Variants in BBIP1 observed in about 807,000 individuals in gnomAD.
BBIP1 encodes the protein BBSome-interacting protein 1.
A neutral mutation model predicts 8.9 loss-of-function variants in BBIP1; 6 were observed. The observed-to-expected ratio is 0.67, with a 90% confidence interval of 0.37 to 1.33. The LOEUF is 1.33. BBIP1 is among the 40% of genes most tolerant of loss of function. The probability of loss-of-function intolerance (pLI) is 0.02; values close to 1 mark genes in which losing one functional copy is unlikely to be tolerated. For synonymous variants in BBIP1, 32 were observed against 33.4 expected (o/e 0.96, Z 0.14); for missense variants, 111 against 109.2 (o/e 1.02, Z -0.07).
At chr10:110,913,851 T>G (rs1195905526) in intron 2 of BBIP1, among the ~76,000 whole-genome samples, 1 of 152,246 alleles carries the variant, frequency 6.6e-6, no homozygotes, top group African/African-American at 2.4e-5. Context: ...CTTGAAGCTA[T>G]CCACTTAAAT....
intron 2 of BBIP1, chr10:110,910,927 TA>T (rs1846261448): frequency 6.6e-6 from 1 of 152,144 alleles, no homozygotes; most frequent in Non-Finnish European, 1.5e-5. Flanking sequence ...GGCAAAATGG[TA>T]AGTGGTGGGG....
chr10:110,918,225 T>C lies in BBIP1; in HGVS notation c.-56-12A>G, dbSNP rs1263183771. The C allele has an allele frequency of 1.5e-5, 20 of 1,342,824 alleles. No homozygotes were observed. In the East Asian group the frequency reaches 3.0e-4, roughly 20 times the overall value. 83.2% of individuals were successfully genotyped at this position (1,342,824 alleles called of 1,614,324 possible). ...GCATACAGAAGAAACTACAAGATAA[T>C]GTATGATAACTTTGTAAAGGGCCAT... is the stretch of plus-strand genomic sequence containing the variant. On this transcript the variant is annotated splice_polypyrimidine_tract_variant and intron_variant, in intron 1 of 3. Transcript: ENST00000448814.
intron 2 of BBIP1, 88 bp downstream of exon 2, chr10:110,918,033 A>G (rs1846466561): frequency 8.7e-7 from 1 of 1,150,648 alleles, no homozygotes; most frequent in Non-Finnish European, 1.3e-6. Flanking sequence ...GCTGGCGTGT[A>G]AGTACTAAGG....
chr10:110,901,419 G>A, intron 3 of BBIP1, 119 bp downstream of exon 3: 1 of 700,016 alleles, frequency 1.4e-6, no homozygotes, highest in Non-Finnish European at 2.5e-6. Context: ...GACAGTAAAT[G>A]AGATAATACG....
intron 2 of BBIP1, among the ~76,000 whole-genome samples, chr10:110,917,568 T>C (rs976455759): frequency 7.9e-5 from 12 of 152,240 alleles, no homozygotes; most frequent in Admixed American, 3.3e-4. Context: ...AAAAAAATCA[T>C]GTCAGAAAGA....
rs972129810 is a variant in BBIP1, at chr10:110,898,832, C to T, written c.*1528G>A. 3.9e-5 allele frequency: 6 copies of T among 152,532 alleles called. No individual in the cohort carries two copies. The highest frequency in any genetic ancestry group is 2.6e-4 in the Admixed American group (4 of 15,276). 9.4% of individuals were successfully genotyped at this position (152,532 alleles called of 1,614,324 possible). A position where few individuals can be genotyped will look rare whatever the true frequency, so the allele number is the denominator to read the frequency against. ...ATCTCATAAGGAAGCATATTTGAAC[C>T]TAGTCAATTTAATCTTAGTGTTCCC... On this transcript the variant is annotated 3_prime_UTR_variant, in exon 4 of 4. Transcript: ENST00000448814.
At chr10:110,907,515 GAAAA>G (rs34559519) in intron 2 of BBIP1, 34 of 361,010 alleles carry the variant, frequency 9.4e-5, no homozygotes, top group Middle Eastern at 4.7e-4. Flanking sequence ...CTTGTCTCAA[GAAAA>G]AAAAAAAAAA....
At chr10:110,918,950 TC>T (rs2134056832) in intron 1 of BBIP1, 170 bp downstream of exon 1, 1 of 152,348 alleles carries the variant, frequency 6.6e-6, no homozygotes, top group Non-Finnish European at 1.5e-5. Flanking sequence ...AAATGCAACT[TC>T]CGGGCAGGAG....
rs1846012944 is a variant in BBIP1, at chr10:110,901,848, T to G, written c.38-236A>C. ...TAACTACAAGGCTAGGTGTTGTAAT[T>G]TTTTTTCTCTCATAGTGAAAACTTG... On this transcript the variant is annotated intron_variant, in intron 2 of 3. Transcript: ENST00000448814. The G allele has an allele frequency of 3.7e-5, 17 of 455,826 alleles. No individual in the cohort carries two copies. In the South Asian group the frequency reaches 4.6e-4, roughly 12 times the overall value. The allele number at this position is 455,826 out of a possible 1,614,324, so 28.2% of individuals were successfully genotyped here.
At chr10:110,919,080 G>A (rs1427186541) in intron 1 of BBIP1, 41 bp downstream of exon 1, 2 of 152,728 alleles carry the variant, frequency 1.3e-5, no homozygotes, top group Admixed American at 1.3e-4. Flanking sequence ...GTCTAACATG[G>A]GATGTGTGGT....
At chr10:110,912,158 C>CTTTTTTTTTT (rs79971994) in intron 2 of BBIP1, 4 of 128,254 alleles carry the variant, frequency 3.1e-5, no homozygotes, top group African/African-American at 5.7e-5. Context: ...CTTTTCTTTT[C>CTTTTTTTTTT]TTTTTTTTTT....
chr10:110,914,180 G>T (rs1032006168), intron 2 of BBIP1, among the ~76,000 whole-genome samples: 2 of 152,108 alleles, frequency 1.3e-5, no homozygotes, highest in African/African-American at 4.8e-5. Context: ...GCATTGAGAT[G>T]CAAAAATACA....
Position 110,918,216 on chromosome 10 carries a change from A to G in BBIP1, c.-56-3T>C. The G allele has an allele frequency of 7.2e-7, 1 of 1,389,074 alleles. No individual in the cohort carries two copies. The highest frequency in any genetic ancestry group is 9.9e-7 in the Non-Finnish European group (1 of 1,013,940). The allele number at this position is 1,389,074 out of a possible 1,614,324, so 86.0% of individuals were successfully genotyped here. On this transcript the variant is annotated splice_region_variant and splice_polypyrimidine_tract_variant and intron_variant, in intron 1 of 3. Transcript: ENST00000448814. ...TTGACTCAAGCATACAGAAGAAACT[A>G]CAAGATAATGTATGATAACTTTGTA...
At chr10:110,913,890 G>C (rs1245079827) in intron 2 of BBIP1, among the ~76,000 whole-genome samples, 2 of 152,132 alleles carry the variant, frequency 1.3e-5, no homozygotes, top group Non-Finnish European at 2.9e-5. Flanking sequence ...TTTTTAAAAA[G>C]TATTTGAGCC....
chr10:110,911,262 T>C lies in BBIP1; in HGVS notation c.37+6859A>G, dbSNP rs1477778959. On this transcript the variant is annotated intron_variant, in intron 2 of 3. Transcript: ENST00000448814. ...GAGGCTTATTACTAAAAATGCATGA[T>C]GAAAAACCTATGGGCAAGCAAAAAT... is the stretch of plus-strand genomic sequence containing the variant. 2.6e-5 allele frequency: 4 copies of C among 152,156 alleles called. No individual in the cohort carries two copies. The East Asian group carries it at 5.8e-4, about 22-fold the overall frequency. 9.4% of individuals were successfully genotyped at this position (152,156 alleles called of 1,614,324 possible). A position where few individuals can be genotyped will look rare whatever the true frequency, so the allele number is the denominator to read the frequency against.
Position 110,907,700 on chromosome 10 carries a change from TCC to T in BBIP1, c.38-6090_38-6089del. The T allele has an allele frequency of 4.3e-6, 3 of 698,398 alleles. No homozygotes were observed. In the South Asian group the frequency reaches 4.5e-5, roughly 11 times the overall value. 43.3% of individuals were successfully genotyped at this position (698,398 alleles called of 1,614,324 possible). The stretch of plus-strand genomic sequence containing the variant: ...TTAACCTCGCTTGCTTGTATACCCC[TCC>T]GATTGTCTTCAGGCATCTTGAAGGA... On this transcript the variant is annotated intron_variant, in intron 2 of 3. Coordinates refer to ENST00000448814, the MANE Select transcript of BBIP1 (RefSeq NM_001195305.3).
chr10:110,901,500 GTAA>G (rs1846001061), intron 3 of BBIP1, 35 bp downstream of exon 3: 1 of 1,433,144 alleles, frequency 7.0e-7, no homozygotes, highest in South Asian at 1.2e-5. Flanking sequence ...CTTTAGTCCT[GTAA>G]TAATCAATGA....
intron 2 of BBIP1, among the ~76,000 whole-genome samples, chr10:110,910,127 G>T (rs941885644): frequency 2.0e-5 from 3 of 152,172 alleles, no homozygotes; most frequent in African/African-American, 2.4e-5. Context: ...CTCTGAAGAA[G>T]AATTATTAAA....
At chr10:110,906,523 T>TATACA (rs1413269154) in intron 2 of BBIP1, 1 of 152,142 alleles carries the variant, frequency 6.6e-6, no homozygotes, top group Non-Finnish European at 1.5e-5. Flanking sequence ...AGTTCACGTA[T>TATACA]ATACATGGCT....
Sources: allele counts gnomAD v4.1 joint callset (sites outside exome capture counted in the v4.1 genomes callset), GRCh38; gene constraint gnomAD v4.1.1; transcripts MANE v1.5; gene names NCBI Gene and HGNC (gene_info 2026-07-23, HGNC 2026-07-21).